The following GPD2 variants were observed in gnomAD, a reference collection of about 807,000 sequenced individuals.
GPD2 encodes the protein glycerol-3-phosphate dehydrogenase, mitochondrial.
Under a neutral mutation model 82.4 loss-of-function variants are expected in GPD2, and 54 were observed. The observed-to-expected ratio is 0.66, with a 90% CI of 0.53 to 0.82. The LOEUF (loss-of-function observed/expected upper bound fraction) is 0.82, where lower values mean the gene tolerates loss of function less well. Among genes scored for constraint, GPD2 ranks in the 40% least tolerant of loss-of-function variants. GPD2 has a pLI of 0.00. For missense variants in GPD2, 748 were observed against 896.2 expected, an observed-to-expected ratio of 0.83 and a Z score of 2.11; for synonymous variants, 288 against 306.1, an observed-to-expected ratio of 0.94 and a Z score of 0.62.
At chr2:156,463,362 C>T (rs1415711575) in intron 1 of GPD2, among the ~76,000 whole-genome samples, 1 of 151,994 alleles carries the variant, frequency 6.6e-6, no homozygotes, top group Non-Finnish European at 1.5e-5. Context: ...TTTGTTTGCT[C>T]AGTGCCTGAC....
At chr2:156,486,938 C>T (rs1683966897) in intron 2 of GPD2, among the ~76,000 whole-genome samples, 2 of 152,160 alleles carry the variant, frequency 1.3e-5, no homozygotes, top group Non-Finnish European at 2.9e-5. Context: ...TTTTATTCAC[C>T]TGAGAGGGAT....
At position 156,557,484 on chromosome 2, in the gene GPD2, A is replaced by C; in HGVS notation, c.1067A>C (p.Asp356Ala). 3.1e-6 allele frequency: 5 copies of C among 1,598,532 alleles called. No homozygotes were observed. Among genetic ancestry groups the C allele is most frequent in the Non-Finnish European group, 4.3e-6 (5 of 1,165,758 alleles). ...AAGATGACGATCGCTGGCACTACTG[A>C]TACTCCAACTGATGTTACACACCAT... ...WQKMTIAGTT[D>A]TPTDVTHHPI... is the part of the protein sequence containing the mutation. Residue 356 changes from aspartate to alanine, a missense_variant, in exon 9 of 17, where the codon GAT becomes GCT. By Grantham distance (126) the Asp-to-Ala change is moderately radical (BLOSUM62 -2). Coordinates refer to ENST00000438166, the MANE Select transcript of GPD2 (RefSeq NM_000408.5).
At position 156,557,428 on chromosome 2, in the gene GPD2, T is replaced by C. The variant is rs1479867266; in HGVS notation, c.1011T>C (p.Asp337=). 16 of 1,611,466 alleles carry C rather than the reference T, an allele frequency of 9.9e-6. No individual in the cohort carries two copies. The highest frequency in any genetic ancestry group is 1.4e-5 in the Non-Finnish European group (16 of 1,177,682). Reference sequence around the variant, plus strand: ...GACTTCTTGACCCAGCGACCAGTGATGGGCGAGTTATTTTCTTCTTACCCT... The same window carrying C: ...GACTTCTTGACCCAGCGACCAGTGACGGGCGAGTTATTTTCTTCTTACCCT... ...SMGLLDPATS[D]GRVIFFLPWQ... The change falls in exon 9 of 17, where the codon GAT becomes GAC. Residue 337 remains aspartate, a synonymous_variant. Coordinates refer to ENST00000438166, the MANE Select transcript of GPD2 (RefSeq NM_000408.5).
chr2:156,404,397 A>T, the GPD2 span, among the ~76,000 whole-genome samples: 1 of 152,026 alleles, frequency 6.6e-6, no homozygotes, highest in African/African-American at 2.4e-5. Context: ...TAAAAAACAT[A>T]CAACAACAAC....
chr2:156,403,612 G>GGGGTGTGTGT, the GPD2 span, among the ~76,000 whole-genome samples: 1 of 147,924 alleles, frequency 6.8e-6, no homozygotes, highest in African/African-American at 2.5e-5. Flanking sequence ...GCATTCAAAG[G>GGGGTGTGTGT]GTGTGTGTGT....
chr2:156,508,176 A>G (rs1165344396), intron 3 of GPD2, among the ~76,000 whole-genome samples: 1 of 152,002 alleles, frequency 6.6e-6, no homozygotes, highest in Non-Finnish European at 1.5e-5. Context: ...CATCCCTCAT[A>G]GTGGACAGTG....
chr2:156,459,036 C>G (rs963193082), intron 1 of GPD2, among the ~76,000 whole-genome samples: 4 of 151,426 alleles, frequency 2.6e-5, no homozygotes, highest in African/African-American at 7.3e-5. Context: ...TACACACACA[C>G]AAAGATACTG....
chr2:156,574,998 A>G (rs1256002067), intron 13 of GPD2, among the ~76,000 whole-genome samples: 1 of 152,136 alleles, frequency 6.6e-6, no homozygotes, highest in Non-Finnish European at 1.5e-5. Flanking sequence ...CAAAATATAA[A>G]TGTTGGTAAG....
intron 2 of GPD2, among the ~76,000 whole-genome samples, chr2:156,480,413 A>G (rs969357436): frequency 1.3e-5 from 2 of 148,278 alleles, no homozygotes; most frequent in African/African-American, 5.0e-5. Context: ...TCTTTTCATT[A>G]TAGCCCAACG....
chr2:156,508,089 G>A (rs572862419), intron 3 of GPD2, among the ~76,000 whole-genome samples: 3 of 152,124 alleles, frequency 2.0e-5, no homozygotes, highest in East Asian at 1.9e-4. Flanking sequence ...ACTTGGTGGC[G>A]TAAAACAACA....
At chr2:156,511,276 C>T (rs1684989296) in intron 4 of GPD2, among the ~76,000 whole-genome samples, 1 of 152,132 alleles carries the variant, frequency 6.6e-6, no homozygotes, top group Non-Finnish European at 1.5e-5. Context: ...AGGGGGAGTG[C>T]GAAATTGATC....
the GPD2 span, among the ~76,000 whole-genome samples, chr2:156,413,201 C>T: frequency 1.3e-5 from 2 of 152,110 alleles, no homozygotes; most frequent in Admixed American, 1.3e-4. Context: ...TTTCTCTGAG[C>T]TCGTAAAAAT....
chr2:156,507,502 T>C (rs892145868), intron 3 of GPD2, among the ~76,000 whole-genome samples: 1 of 152,026 alleles, frequency 6.6e-6, no homozygotes, highest in African/African-American at 2.4e-5. Flanking sequence ...TTTGTATTTT[T>C]TGGTTGATAC....
At chr2:156,418,765 G>A in the GPD2 span, among the ~76,000 whole-genome samples, 1 of 152,164 alleles carries the variant, frequency 6.6e-6, no homozygotes, top group Non-Finnish European at 1.5e-5. Flanking sequence ...GGGGAAGAAG[G>A]GGAATTCTGT....
chr2:156,409,900 G>A, the GPD2 span, among the ~76,000 whole-genome samples: 6 of 152,190 alleles, frequency 3.9e-5, no homozygotes, highest in Middle Eastern at 6.8e-3. Flanking sequence ...ACCAGCCTGG[G>A]TCAACACAGT....
chr2:156,484,519 G>A (rs992000248), intron 2 of GPD2, among the ~76,000 whole-genome samples: 18 of 152,038 alleles, frequency 1.2e-4, no homozygotes, highest in Non-Finnish European at 2.6e-4. Flanking sequence ...ACCTGTTGAT[G>A]GCAGAATAAT....
At chr2:156,417,592 A>G in the GPD2 span, among the ~76,000 whole-genome samples, 6 of 152,092 alleles carry the variant, frequency 3.9e-5, no homozygotes, top group Non-Finnish European at 7.4e-5. Context: ...TTGGTGGCAT[A>G]TGGGCATTTT....
At chr2:156,545,979 A>G (rs929020796) in intron 6 of GPD2, among the ~76,000 whole-genome samples, 3 of 152,220 alleles carry the variant, frequency 2.0e-5, no homozygotes, top group African/African-American at 7.2e-5. Flanking sequence ...GGATTAAGAC[A>G]AAGTTTTCTC....
chr2:156,528,224 C>T (rs1356462064), intron 6 of GPD2, among the ~76,000 whole-genome samples: 1 of 151,776 alleles, frequency 6.6e-6, no homozygotes, highest in Non-Finnish European at 1.5e-5. Flanking sequence ...TGTATAAAAC[C>T]GGATTGAAAC....
Sources: gnomAD v4.1 joint callset for allele counts (sites outside exome capture counted in the v4.1 genomes callset) on GRCh38, gnomAD v4.1.1 for gene constraint, MANE v1.5 for transcripts, NCBI Gene and HGNC (gene_info 2026-07-23, HGNC 2026-07-21) for gene names.